TMEM232: variants seen among roughly 807,000 people sequenced by gnomAD.
The protein encoded by TMEM232 is transmembrane protein 232.
Under a neutral mutation model 78.8 loss-of-function variants are expected in TMEM232, and 80 were observed. The observed-to-expected ratio is 1.01, with a 90% confidence interval of 0.85 to 1.22. The LOEUF (loss-of-function observed/expected upper bound fraction) is 1.22, where lower values mean the gene tolerates loss of function less well. TMEM232 is among the 50% of genes most tolerant of loss of function. The pLI is 0.00. For missense variants in TMEM232, 881 were observed against 742.2 expected (o/e 1.19, Z -2.17); for synonymous variants, 297 against 254.3 (o/e 1.17, Z -1.60).
At chr5:110,458,420 G>A (rs1304489852) in intron 12 of TMEM232, among the ~76,000 whole-genome samples, 1 of 151,972 alleles carries the variant, frequency 6.6e-6, no homozygotes, top group African/African-American at 2.4e-5. Context: ...ACTAGTTTAG[G>A]GATTTCTATC....
At chr5:110,601,963 A>G (rs1780965416) in intron 10 of TMEM232, among the ~76,000 whole-genome samples, 1 of 152,208 alleles carries the variant, frequency 6.6e-6, no homozygotes, top group Admixed American at 6.5e-5. Flanking sequence ...AACCAGTGGA[A>G]CAGAACAGAG....
intron 6 of TMEM232, among the ~76,000 whole-genome samples, chr5:110,626,805 A>AT (rs1223294303): frequency 6.6e-6 from 1 of 152,020 alleles, no homozygotes; most frequent in South Asian, 2.1e-4. Flanking sequence ...ACCTTCTACT[A>AT]TTTAATACTT....
intron 7 of TMEM232, among the ~76,000 whole-genome samples, chr5:110,623,623 AC>A (rs1210858978): frequency 6.6e-6 from 1 of 152,128 alleles, no homozygotes; most frequent in Non-Finnish European, 1.5e-5. Context: ...TACTGGAGAA[AC>A]TGGGCTGAAA....
chr5:110,442,527 T>C (rs1348872488), intron 12 of TMEM232, among the ~76,000 whole-genome samples: 1 of 152,126 alleles, frequency 6.6e-6, no homozygotes, highest in East Asian at 1.9e-4. Context: ...ATTCCTTCTC[T>C]GTGTTATCTT....
At chr5:110,554,494 A>G (rs1774842457) in intron 11 of TMEM232, among the ~76,000 whole-genome samples, 1 of 152,124 alleles carries the variant, frequency 6.6e-6, no homozygotes, top group South Asian at 2.1e-4. Flanking sequence ...TTCCCTCTAG[A>G]GAACCCTCAC....
chr5:110,438,583 G>A (rs1265878730), intron 12 of TMEM232, among the ~76,000 whole-genome samples: 3 of 151,698 alleles, frequency 2.0e-5, no homozygotes, highest in Non-Finnish European at 4.4e-5. Context: ...GGGTGGTAAG[G>A]GAAAAGAAAA....
chr5:110,590,355 C>T (rs936004104), intron 10 of TMEM232, among the ~76,000 whole-genome samples: 3 of 152,056 alleles, frequency 2.0e-5, no homozygotes, highest in Non-Finnish European at 4.4e-5. Flanking sequence ...GGAATTGGGC[C>T]ATACAATAGG....
chr5:110,681,178 C>T (rs1439863676), intron 1 of TMEM232, among the ~76,000 whole-genome samples: 1 of 152,038 alleles, frequency 6.6e-6, no homozygotes, highest in Non-Finnish European at 1.5e-5. Context: ...CACTTGTATA[C>T]GACAATTTCT....
intron 11 of TMEM232, among the ~76,000 whole-genome samples, chr5:110,555,239 T>G (rs1384251771): frequency 6.6e-6 from 1 of 152,174 alleles, no homozygotes; most frequent in Admixed American, 6.6e-5. Flanking sequence ...CTTGAAAAAT[T>G]TATTGATATC....
chr5:110,583,212 C>A (rs967558364), intron 10 of TMEM232, among the ~76,000 whole-genome samples: 1 of 151,858 alleles, frequency 6.6e-6, no homozygotes, highest in Non-Finnish European at 1.5e-5. Flanking sequence ...TGAAAAAGAA[C>A]AAAGTCAAAG....
At chr5:110,422,343 G>A (rs1448772406) in intron 13 of TMEM232, among the ~76,000 whole-genome samples, 3 of 151,180 alleles carry the variant, frequency 2.0e-5, no homozygotes, top group Admixed American at 6.6e-5. Context: ...GTGAAACGCC[G>A]TCTCTACTAA....
intron 12 of TMEM232, among the ~76,000 whole-genome samples, chr5:110,464,350 T>TGAGTC (rs1761851185): frequency 6.6e-6 from 1 of 152,198 alleles, no homozygotes. Context: ...ATTCATTTCT[T>TGAGTC]GAGTCAATGA....
chr5:110,605,849 T>A (rs965695147), intron 9 of TMEM232, among the ~76,000 whole-genome samples: 1 of 152,092 alleles, frequency 6.6e-6, no homozygotes, highest in Non-Finnish European at 1.5e-5. Flanking sequence ...AGAGATTTTA[T>A]GTATGAGAAT....
intron 12 of TMEM232, among the ~76,000 whole-genome samples, chr5:110,461,677 G>C (rs1294279532): frequency 6.6e-6 from 1 of 152,168 alleles, no homozygotes; most frequent in African/African-American, 2.4e-5. Flanking sequence ...CAAAGGACAG[G>C]CTGACCATCT....
At chr5:110,506,916 T>A (rs1343390200) in intron 12 of TMEM232, among the ~76,000 whole-genome samples, 1 of 152,180 alleles carries the variant, frequency 6.6e-6, no homozygotes, top group Non-Finnish European at 1.5e-5. Flanking sequence ...TTTTTTTCTG[T>A]CTTCCAGCCA....
intron 12 of TMEM232, among the ~76,000 whole-genome samples, chr5:110,441,736 T>A (rs778924313): frequency 6.6e-6 from 1 of 152,214 alleles, no homozygotes; most frequent in East Asian, 1.9e-4. Context: ...GGATGGACTT[T>A]GGCTAACAGC....
rs1581093428 is a variant in TMEM232, at chr5:110,528,628, G to A, written c.1663C>T (p.Leu555=). 2.0e-6 allele frequency: 3 copies of A among 1,532,872 alleles called. No individual in the cohort carries two copies. In the South Asian group the frequency reaches 3.6e-5, roughly 18 times the overall value. The allele number at this position is 1,532,872 out of a possible 1,614,324, so 95.0% of individuals were successfully genotyped here. A position where few individuals can be genotyped will look rare whatever the true frequency, so the allele number is the denominator to read the frequency against. ...KDQTKYPNKK[L]ESVKKQVLHF... Reference sequence around the variant, plus strand: ...AGAACTTGCTTTTTCACAGACTCCAGCTTTTTATTTGGATATTTTGTTTGA... The same window carrying A: ...AGAACTTGCTTTTTCACAGACTCCAACTTTTTATTTGGATATTTTGTTTGA... The change falls in exon 12 of 14, where the codon CTG becomes TTG. Residue 555 remains leucine, a synonymous_variant. Coordinates refer to ENST00000455884, the MANE Select transcript of TMEM232 (RefSeq NM_001039763.4).
chr5:110,603,237 A>G (rs1272367247), intron 10 of TMEM232, among the ~76,000 whole-genome samples: 1 of 152,124 alleles, frequency 6.6e-6, no homozygotes. Context: ...ACCACGGCAC[A>G]TGTATACCTA....
At chr5:110,617,267 G>T (rs1219148454) in intron 8 of TMEM232, among the ~76,000 whole-genome samples, 2 of 152,176 alleles carry the variant, frequency 1.3e-5, no homozygotes, top group Admixed American at 6.5e-5. Context: ...GCTTGGGATG[G>T]GGAGTAAGGA....
Sources: allele counts gnomAD v4.1 joint callset (sites outside exome capture counted in the v4.1 genomes callset), GRCh38; gene constraint gnomAD v4.1.1; transcripts MANE v1.5; gene names NCBI Gene and HGNC (gene_info 2026-07-23, HGNC 2026-07-21).